The following CNOT1 variants were observed in gnomAD, a reference collection of about 807,000 sequenced individuals.
CNOT1 encodes the protein CCR4-associated factor 1.
A neutral mutation model predicts 273.8 loss-of-function variants in CNOT1; 15 were observed. That is an observed-to-expected ratio of 0.05 (90% confidence interval 0.04 to 0.08). The LOEUF is 0.08. Among genes scored for constraint, CNOT1 ranks in the 10% least tolerant of loss-of-function variants. CNOT1 has a pLI of 1.00. For missense variants in CNOT1, 1,644 were observed against 2,912.2 expected, an observed-to-expected ratio of 0.56 and a Z score of 10.02; for synonymous variants, 1,022 against 1,005.5, an observed-to-expected ratio of 1.02 and a Z score of -0.31.
chr16:58,543,984 T>C (rs1177640786), intron 30 of CNOT1, 81 bp from the exon 31 acceptor site: 4 of 1,484,438 alleles, frequency 2.7e-6, no homozygotes, highest in Admixed American at 5.1e-5. Flanking sequence ...ATTCATGATT[T>C]TGTAAATCAA....
chr16:58,561,425 T>G (rs950087897), intron 16 of CNOT1, among the ~76,000 whole-genome samples: 3 of 152,202 alleles, frequency 2.0e-5, no homozygotes, highest in African/African-American at 7.2e-5. Context: ...CAAACAGGCA[T>G]GCAATTTTTA....
intron 25 of CNOT1, among the ~76,000 whole-genome samples, chr16:58,548,792 C>T (rs1234273492): frequency 6.6e-6 from 1 of 152,192 alleles, no homozygotes; most frequent in Non-Finnish European, 1.5e-5. Flanking sequence ...TGACCTTAAA[C>T]TGCACAGACT....
intron 1 of CNOT1, among the ~76,000 whole-genome samples, chr16:58,610,564 CG>C (rs1567443341): frequency 6.6e-6 from 1 of 152,070 alleles, no homozygotes; most frequent in African/African-American, 2.4e-5. Flanking sequence ...AATTAAAAGG[CG>C]GGGCGCGGTG....
At chr16:58,560,425 C>T (rs892365877) in intron 16 of CNOT1, 63 bp from the exon 17 acceptor site, 13 of 1,524,736 alleles carry the variant, frequency 8.5e-6, no homozygotes, top group Non-Finnish European at 1.1e-5. Flanking sequence ...GTAAGTAAAC[C>T]AACCGATCTG....
At chr16:58,530,225 T>C in intron 43 of CNOT1, 21 bp downstream of exon 43, 1 of 1,540,440 alleles carries the variant, frequency 6.5e-7, no homozygotes, top group South Asian at 1.2e-5. Context: ...TTTTAATTTA[T>C]AATAAATCCA....
rs1407741660 is a variant in CNOT1, at chr16:58,521,331, GAA to G, written c.6918-16_6918-15del. The G allele has an allele frequency of 6.3e-7, 1 of 1,593,474 alleles. No homozygotes were observed. Among genetic ancestry groups the G allele is most frequent in the Admixed American group, 1.9e-5 (1 of 53,614 alleles). On this transcript the variant is annotated splice_polypyrimidine_tract_variant and intron_variant, in intron 47 of 48. Coordinates refer to ENST00000317147, the MANE Select transcript of CNOT1 (RefSeq NM_016284.5). ...TCCAAGAGAACTCTGGAAAAAGGGAGAAAGAGCTAGTTAATGTATAGAAGCAT... is the reference window on the plus strand; with the variant it reads ...TCCAAGAGAACTCTGGAAAAAGGGAGAGAGCTAGTTAATGTATAGAAGCAT...
Position 58,558,556 on chromosome 16 carries a change from G to C in CNOT1, c.2249C>G (p.Pro750Arg), listed in dbSNP as rs2040717641. The change falls in exon 18 of 49, where the codon CCA becomes CGA. Residue 750 changes from proline to arginine, a missense_variant. Transcript: ENST00000317147. ...TGAAAGGGGTGGAAATGCTTTTGCT[G>C]GTGACTGAGGGGTACTGAATGCAGA... ...LGSAFSTPQS[P>R]AKAFPPLSTP... 1 of 1,613,496 alleles carries C rather than the reference G, an allele frequency of 6.2e-7. No individual in the cohort carries two copies. The highest frequency in any genetic ancestry group is 8.5e-7 in the Non-Finnish European group (1 of 1,179,810).
intron 27 of CNOT1, 118 bp from the exon 28 acceptor site, chr16:58,546,867 A>C: frequency 7.8e-7 from 1 of 1,286,974 alleles, no homozygotes; most frequent in Non-Finnish European, 1.1e-6. Context: ...AAAAACAAAA[A>C]ACAAGGATTA....
At chr16:58,574,901 T>A (rs116954285) in intron 15 of CNOT1, 106 bp downstream of exon 15, 25,489 of 1,558,286 alleles carry the variant, frequency 0.016, 277 homozygotes, top group Admixed American at 0.028. Flanking sequence ...TTCTTTCAAA[T>A]TTTTCTTTAG....
intron 22 of CNOT1, among the ~76,000 whole-genome samples, chr16:58,553,565 G>A (rs141500442): frequency 3.3e-5 from 5 of 152,238 alleles, no homozygotes; most frequent in Admixed American, 3.3e-4. Flanking sequence ...AGGTAAGCCT[G>A]CTACTTAGAA....
intron 2 of CNOT1, among the ~76,000 whole-genome samples, chr16:58,592,873 A>T (rs2151995338): frequency 6.6e-6 from 1 of 152,294 alleles, no homozygotes; most frequent in South Asian, 2.1e-4. Flanking sequence ...ATATCATTTA[A>T]ATATCTGTGA....
At chr16:58,534,083 T>C (rs930704400) in intron 40 of CNOT1, 64 bp downstream of exon 40, 3 of 1,281,604 alleles carry the variant, frequency 2.3e-6, no homozygotes, top group East Asian at 3.2e-5. Flanking sequence ...ATAATAATAA[T>C]AAATAAATAA....
In CNOT1 at chr16:58,525,140, C is replaced by T. The variant is rs554907360; in HGVS notation, c.6784+39G>A. On this transcript the variant is annotated intron_variant, in intron 46 of 48. Transcript: ENST00000317147. ...TGTGATCAGATTGTAGCAAAAAGCA[C>T]AGAGAACTCTACTCTGAAAACTGGC... 6 of 1,593,994 alleles carry T rather than the reference C, an allele frequency of 3.8e-6. No individual in the cohort carries two copies. In the Admixed American group the frequency reaches 1.0e-4, roughly 27 times the overall value.
Position 58,588,886 on chromosome 16 carries a change from A to G in CNOT1, c.123T>C (p.Pro41=), listed in dbSNP as rs1481287164. 2 of 1,613,500 alleles carry G rather than the reference A, an allele frequency of 1.2e-6. No homozygotes were observed. The highest frequency in any genetic ancestry group is 1.3e-5 in the African/African-American group (1 of 74,888). ...AGCGTAATAAATGCCTGTCTGCCTC[A>G]GGACCGTGCCGATTCACAATCTAAA... ...EIQHIVNRHG[P]EADRHLLRCL... The change falls in exon 3 of 49, where the codon CCT becomes CCC. Residue 41 remains proline (P), a synonymous_variant. Transcript: ENST00000317147.
intron 1 of CNOT1, among the ~76,000 whole-genome samples, chr16:58,612,697 C>CCACT (rs2042943070): frequency 6.6e-6 from 1 of 152,146 alleles, no homozygotes. Flanking sequence ...CGAGATCCTG[C>CCACT]CACTGCACTC....
chr16:58,519,983 A>G lies in CNOT1; in HGVS notation c.*975T>C, dbSNP rs1348963997. ...CATGACTTTAATGGTTAGCTACAGT[A>G]TGCATACACATACAAGAAGTAGGGG... On this transcript the variant is annotated 3_prime_UTR_variant, in exon 49 of 49. Transcript: ENST00000317147. 2 of 152,254 alleles carry G rather than the reference A, an allele frequency of 1.3e-5. No individual in the cohort carries two copies. Among genetic ancestry groups the G allele is most frequent in the Admixed American group, 1.3e-4 (2 of 15,290 alleles). The allele number at this position is 152,254 out of a possible 1,614,324, so 9.4% of individuals were successfully genotyped here. A position where few individuals can be genotyped will look rare whatever the true frequency, so the allele number is the denominator to read the frequency against.
chr16:58,614,073 C>G (rs2152037891), intron 1 of CNOT1, among the ~76,000 whole-genome samples: 1 of 91,146 alleles, frequency 1.1e-5, no homozygotes, highest in Admixed American at 1.2e-4. Context: ...GCCTGGGCGA[C>G]AGGGCGAGAC....
chr16:58,529,840 C>CAAAAAAAA (rs58854069), intron 43 of CNOT1, among the ~76,000 whole-genome samples: 3 of 69,398 alleles, frequency 4.3e-5, no homozygotes, highest in Non-Finnish European at 5.5e-5. Context: ...GACTCTGTCT[C>CAAAAAAAA]AAAAAAAAAA....
chr16:58,624,412 AAC>A (rs2043479744), intron 1 of CNOT1, among the ~76,000 whole-genome samples: 1 of 152,262 alleles, frequency 6.6e-6, no homozygotes, highest in African/African-American at 2.4e-5. Context: ...TAACAACTGT[AAC>A]ACAGTTAAGC....
Sources: gnomAD v4.1 joint callset for allele counts (sites outside exome capture counted in the v4.1 genomes callset) on GRCh38, gnomAD v4.1.1 for gene constraint, MANE v1.5 for transcripts, NCBI Gene and HGNC (gene_info 2026-07-23, HGNC 2026-07-21) for gene names.